Variants in TSSK2 observed in about 807,000 individuals in gnomAD.
TSSK2 encodes the protein testis specific serine kinase 2, also known as testis-specific serine/threonine-protein kinase 2.
TSSK2 carries 5 observed loss-of-function variants against 14.2 expected under a neutral mutation model. That is an observed-to-expected ratio of 0.35 (90% CI 0.18 to 0.74). The LOEUF (loss-of-function observed/expected upper bound fraction) is 0.74, where lower values mean the gene tolerates loss of function less well. TSSK2 is among the 30% of genes least tolerant of loss of function. The probability of loss-of-function intolerance (pLI) is 0.56; values close to 1 mark genes in which losing one functional copy is unlikely to be tolerated. For synonymous variants in TSSK2, 209 were observed against 201.9 expected, an observed-to-expected ratio of 1.04 and a Z score of -0.30; for missense variants, 439 against 491.1, an observed-to-expected ratio of 0.89 and a Z score of 1.00.
rs576440860 is a variant in TSSK2, at chr22:19,131,633, C to A, written c.234C>A (p.Ile78=). The part of the protein sequence containing the change: ...NHGSIIKTYE[I]FETSDGRIYI... ...GCTCCATCATCAAGACTTACGAGAT[C>A]TTTGAGACCTCTGACGGACGGATCT... Residue 78 remains isoleucine (I), a synonymous_variant, in exon 1 of 1, where the codon ATC becomes ATA. Coordinates refer to ENST00000399635, the MANE Select transcript of TSSK2 (RefSeq NM_053006.5). This position sits in a 1 kb window ranked among gnomAD's most constrained non-coding sequence, Gnocchi z 5.7. The A allele has an allele frequency of 2.5e-5, 41 of 1,614,140 alleles. No homozygotes were observed. The East Asian group carries it at 7.8e-4, about 31-fold the overall frequency.
rs2083521207 is a variant in TSSK2, at chr22:19,132,551, AAGT to A, written c.*78_*80del. 2 of 1,429,252 alleles carry A rather than the reference AAGT, an allele frequency of 1.4e-6. No homozygotes were observed. Among genetic ancestry groups the A allele is most frequent in the Admixed American group, 4.2e-5 (2 of 47,540 alleles). The allele number at this position is 1,429,252 out of a possible 1,614,324, so 88.5% of individuals were successfully genotyped here. On this transcript the variant is annotated 3_prime_UTR_variant, in exon 1 of 1. Coordinates refer to ENST00000399635, the MANE Select transcript of TSSK2 (RefSeq NM_053006.5). This position sits in a 1 kb window ranked among gnomAD's most constrained non-coding sequence, Gnocchi z 4.2. ...GGTGCAGTCGGCCTTCACGTAAACT[AAGT>A]AGGCAGGTAGGATCTGAAGAAGGCA...
In TSSK2 at chr22:19,131,596, C is replaced by T; in HGVS notation, c.197C>T (p.Thr66Ile). ...FLPREMDILA[T>I]VNHGSIIKTY... ...CCTCGGGAGATGGACATCCTGGCAA[C>T]TGTCAACCACGGCTCCATCATCAAG... Residue 66 changes from threonine (T) to isoleucine (I), a missense_variant, in exon 1 of 1, where the codon ACT (threonine) becomes ATT (isoleucine). Transcript: ENST00000399635. The surrounding 1 kb of genome is among the most constrained non-coding windows in gnomAD (Gnocchi z 5.7). 6.2e-7 allele frequency: 1 copy of T among 1,614,168 alleles called. No individual in the cohort carries two copies. Among genetic ancestry groups the T allele is most frequent in the East Asian group, 2.2e-5 (1 of 44,878 alleles).
rs2083508613 is a variant in TSSK2, at chr22:19,131,659, ACAT to A, written c.267_269del (p.Ile89del). On this transcript the variant is annotated inframe_deletion, in exon 1 of 1. Coordinates refer to ENST00000399635, the MANE Select transcript of TSSK2 (RefSeq NM_053006.5). This position sits in a 1 kb window ranked among gnomAD's most constrained non-coding sequence, Gnocchi z 5.7. ...TTTGAGACCTCTGACGGACGGATCT[ACAT>A]CATCATGGAGCTTGGCGTCCAGGGC... 4.3e-6 allele frequency: 7 copies of A among 1,614,020 alleles called. No individual in the cohort carries two copies. The highest frequency in any genetic ancestry group is 5.1e-6 in the Non-Finnish European group (6 of 1,180,012).
rs777499145 is a variant in TSSK2 at position 19,131,739 on chromosome 22, CG to C, written c.341del (p.Arg114ProfsTer91). On this transcript the variant is annotated frameshift_variant, in exon 1 of 1. Transcript: ENST00000399635. LOFTEE classifies it high-confidence loss of function. The surrounding 1 kb of genome is among the most constrained non-coding windows in gnomAD (Gnocchi z 5.7). The part of the protein sequence containing the change: ...CQGALHEDVA[R>X]KMFRQLSSAV... ...GGGAGCCCTGCATGAGGACGTGGCACGCAAGATGTTCCGACAGCTCTCCTCC... is the reference window on the plus strand; with the variant it reads ...GGGAGCCCTGCATGAGGACGTGGCACCAAGATGTTCCGACAGCTCTCCTCC... 6.2e-7 allele frequency: 1 copy of C among 1,614,092 alleles called. No individual in the cohort carries two copies. Among genetic ancestry groups the C allele is most frequent in the Non-Finnish European group, 8.5e-7 (1 of 1,179,974 alleles).
At position 19,131,508 on chromosome 22, in the gene TSSK2, A is replaced by G. The variant is rs200807955; in HGVS notation, c.109A>G (p.Asn37Asp). ...KSAYSERLKF[N>D]VAVKIIDRKK... ...TGCCTACTCTGAGCGCCTCAAGTTC[A>G]ATGTGGCTGTCAAGATCATCGACCG... is the stretch of plus-strand genomic sequence containing the variant. The change falls in exon 1 of 1, where the codon AAT becomes GAT. Residue 37 changes from asparagine (N) to aspartate (D), a missense_variant. Physicochemically the swap from Asn to Asp is conservative, Grantham distance 23. Transcript: ENST00000399635. This position sits in a 1 kb window ranked among gnomAD's most constrained non-coding sequence, Gnocchi z 5.7. The G allele has an allele frequency of 1.4e-4, 226 of 1,614,068 alleles. No homozygotes were observed. Among genetic ancestry groups the G allele is most frequent in the Admixed American group, 2.2e-4 (13 of 60,008 alleles).
In TSSK2 at chr22:19,131,648, C is replaced by T. The variant is rs75077908; in HGVS notation, c.249C>T (p.Asp83=). The T allele has an allele frequency of 1.1e-3, 1,701 of 1,614,088 alleles. 17 individuals carry two copies. In the Admixed American group the frequency reaches 0.021, roughly 20 times the overall value. ...CTTACGAGATCTTTGAGACCTCTGA[C>T]GGACGGATCTACATCATCATGGAGC... ...IKTYEIFETS[D]GRIYIIMELG... is the part of the protein sequence containing the mutation. The change falls in exon 1 of 1, where the codon GAC becomes GAT. Residue 83 remains aspartate, a synonymous_variant. Coordinates refer to ENST00000399635, the MANE Select transcript of TSSK2 (RefSeq NM_053006.5). This position sits in a 1 kb window ranked among gnomAD's most constrained non-coding sequence, Gnocchi z 5.7.
At position 19,132,456 on chromosome 22, in the gene TSSK2, G is replaced by A. The variant is rs1406581859; in HGVS notation, c.1057G>A (p.Val353Met). 3.7e-6 allele frequency: 6 copies of A among 1,610,618 alleles called. No homozygotes were observed. In the African/African-American group the frequency reaches 5.3e-5, roughly 14 times the overall value. Residue 353 changes from valine to methionine, a missense_variant, in exon 1 of 1, where the codon GTG becomes ATG. Transcript: ENST00000399635. The surrounding 1 kb of genome is among the most constrained non-coding windows in gnomAD (Gnocchi z 4.2). ...AGACCATCACATCTCCGGAGCTGAG[G>A]TGGGGAAAGCAAGCACCTAGCATGA... ...AKDHHISGAE[V>M]GKAST
rs773798571 is a variant in TSSK2, at chr22:19,132,464, A to G, written c.1065A>G (p.Lys355=). 3 of 1,609,420 alleles carry G rather than the reference A, an allele frequency of 1.9e-6. No individual in the cohort carries two copies. Among genetic ancestry groups the G allele is most frequent in the Non-Finnish European group, 1.7e-6 (2 of 1,177,742 alleles). Residue 355 remains lysine, a synonymous_variant, in exon 1 of 1, where the codon AAA becomes AAG. Transcript: ENST00000399635. This position sits in a 1 kb window ranked among gnomAD's most constrained non-coding sequence, Gnocchi z 4.2. The part of the protein sequence containing the change: ...DHHISGAEVG[K]AST The stretch of plus-strand genomic sequence containing the variant: ...ACATCTCCGGAGCTGAGGTGGGGAA[A>G]GCAAGCACCTAGCATGACAATGGCC...
Position 19,132,314 on chromosome 22 carries a change from G to C in TSSK2, c.915G>C (p.Leu305Phe). 6.2e-7 allele frequency: 1 copy of C among 1,613,042 alleles called. No homozygotes were observed. The change falls in exon 1 of 1, where the codon TTG becomes TTC. Residue 305 changes from leucine to phenylalanine, a missense_variant. By Grantham distance (22) the Leu-to-Phe change is conservative. Transcript: ENST00000399635. This position sits in a 1 kb window ranked among gnomAD's most constrained non-coding sequence, Gnocchi z 4.2. ...GCAAACTGGACACCAAGACAGGCTT[G>C]AGGCCCGACCACCGGCCCGACCACA... is the stretch of plus-strand genomic sequence containing the variant. ...AECKLDTKTG[L>F]RPDHRPDHKL...
Position 19,132,543 on chromosome 22 carries a change from C to A in TSSK2, c.*67C>A, listed in dbSNP as rs1339369543. The A allele has an allele frequency of 1.4e-6, 2 of 1,472,512 alleles. No individual in the cohort carries two copies. 91.2% of individuals were successfully genotyped at this position (1,472,512 alleles called of 1,614,324 possible). On this transcript the variant is annotated 3_prime_UTR_variant, in exon 1 of 1. Coordinates refer to ENST00000399635, the MANE Select transcript of TSSK2 (RefSeq NM_053006.5). The surrounding 1 kb of genome is among the most constrained non-coding windows in gnomAD (Gnocchi z 4.2). ...GGGGGCATGGTGCAGTCGGCCTTCA[C>A]GTAAACTAAGTAGGCAGGTAGGATC...
rs2083515074 is a variant in TSSK2 at position 19,132,147 on chromosome 22, T to C, written c.748T>C (p.Tyr250His). ...NLTCECKDLIYRMLQPDVSQR... is the reference protein window; with the variant it reads ...NLTCECKDLIHRMLQPDVSQR... ...GACCTGCGAGTGCAAGGACCTCATCTACCGCATGCTGCAGCCCGACGTCAG... is the reference window on the plus strand; with the variant it reads ...GACCTGCGAGTGCAAGGACCTCATCCACCGCATGCTGCAGCCCGACGTCAG... The change falls in exon 1 of 1, where the codon TAC becomes CAC. Residue 250 changes from tyrosine (Y) to histidine (H), a missense_variant. Tyr to His is a moderately conservative substitution (Grantham distance 83). Transcript: ENST00000399635. This position sits in a 1 kb window ranked among gnomAD's most constrained non-coding sequence, Gnocchi z 4.2. 6.2e-7 allele frequency: 1 copy of C among 1,613,240 alleles called. No individual in the cohort carries two copies. Among genetic ancestry groups the C allele is most frequent in the African/African-American group, 1.3e-5 (1 of 74,914 alleles).
rs1475306045 is a variant in TSSK2, at chr22:19,132,059, C to G, written c.660C>G (p.Asp220Glu). The G allele has an allele frequency of 1.2e-6, 2 of 1,613,940 alleles. No homozygotes were observed. The highest frequency in any genetic ancestry group is 1.7e-6 in the Non-Finnish European group (2 of 1,179,964). Residue 220 changes from aspartate (D) to glutamate (E), a missense_variant, in exon 1 of 1, where the codon GAC becomes GAG. By Grantham distance (45) the Asp-to-Glu change is conservative (BLOSUM62 2). Transcript: ENST00000399635. The surrounding 1 kb of genome is among the most constrained non-coding windows in gnomAD (Gnocchi z 4.2). ...VCGSMPYDDS[D>E]IRKMLRIQKE... is the part of the protein sequence containing the mutation. ...GCTCCATGCCCTATGACGACTCCGA[C>G]ATCAGGAAGATGCTGCGTATCCAGA...
chr22:19,132,276 TACCGCGCTGAGTGCAAACTGGACACCAAG>T lies in TSSK2; in HGVS notation c.880_908del (p.Ala295LeufsTer48). The T allele has an allele frequency of 6.2e-7, 1 of 1,613,394 alleles. No homozygotes were observed. Among genetic ancestry groups the T allele is most frequent in the Non-Finnish European group, 8.5e-7 (1 of 1,179,934 alleles). Reference sequence around the variant, plus strand: ...CTTCAAGAGGGAGGGGGAGGGCAAGTACCGCGCTGAGTGCAAACTGGACACCAAGACAGGCTTGAGGCCCGACCACCGGC... The same window carrying T: ...CTTCAAGAGGGAGGGGGAGGGCAAGTACAGGCTTGAGGCCCGACCACCGGC... On this transcript the variant is annotated frameshift_variant, in exon 1 of 1. Transcript: ENST00000399635. LOFTEE classifies it high-confidence loss of function. This position sits in a 1 kb window ranked among gnomAD's most constrained non-coding sequence, Gnocchi z 4.2.
In TSSK2 at chr22:19,131,394, G is replaced by A. The variant is rs1482621050; in HGVS notation, c.-6G>A. 2 of 1,588,488 alleles carry A rather than the reference G, an allele frequency of 1.3e-6. No individual in the cohort carries two copies. Among genetic ancestry groups the A allele is most frequent in the Non-Finnish European group, 1.7e-6 (2 of 1,165,880 alleles). ...GACGGCAGCGGCGCCAGTCGCTCCT[G>A]GCACCATGGACGATGCCACAGTCCT... On this transcript the variant is annotated 5_prime_UTR_variant, in exon 1 of 1. Coordinates refer to ENST00000399635, the MANE Select transcript of TSSK2 (RefSeq NM_053006.5). The surrounding 1 kb of genome is among the most constrained non-coding windows in gnomAD (Gnocchi z 5.7).
Position 19,131,807 on chromosome 22 carries a change from C to T in TSSK2, c.408C>T (p.Asp136=). Residue 136 remains aspartate (D), a synonymous_variant, in exon 1 of 1, where the codon GAC becomes GAT. Transcript: ENST00000399635. The surrounding 1 kb of genome is among the most constrained non-coding windows in gnomAD (Gnocchi z 5.7). ...ACGACCTGGACATCGTCCACCGGGA[C>T]CTCAAGTGCGAGAACCTTCTCCTCG... The part of the protein sequence containing the change: ...YCHDLDIVHR[D]LKCENLLLDK... 1.2e-6 allele frequency: 2 copies of T among 1,614,194 alleles called. No homozygotes were observed. Among genetic ancestry groups the T allele is most frequent in the Non-Finnish European group, 1.7e-6 (2 of 1,180,036 alleles).
Position 19,131,837 on chromosome 22 carries a change from G to C in TSSK2, c.438G>C (p.Lys146Asn). 6.2e-7 allele frequency: 1 copy of C among 1,614,146 alleles called. No homozygotes were observed. The highest frequency in any genetic ancestry group is 8.5e-7 in the Non-Finnish European group (1 of 1,180,034). ...AGTGCGAGAACCTTCTCCTCGACAA[G>C]GACTTCAACATCAAGCTGTCTGACT... ...DLKCENLLLD[K>N]DFNIKLSDFG... The change falls in exon 1 of 1, where the codon AAG (lysine) becomes AAC (asparagine). Residue 146 changes from lysine (K) to asparagine (N), a missense_variant. Lys to Asn is a moderately conservative substitution (Grantham distance 94). Transcript: ENST00000399635. This position sits in a 1 kb window ranked among gnomAD's most constrained non-coding sequence, Gnocchi z 5.7.
rs972305651 is a variant in TSSK2 at position 19,131,952 on chromosome 22, G to A, written c.553G>A (p.Glu185Lys). The change falls in exon 1 of 1, where the codon GAG becomes AAG. Residue 185 changes from glutamate to lysine, a missense_variant. By Grantham distance (56) the Glu-to-Lys change is moderately conservative. Transcript: ENST00000399635. This position sits in a 1 kb window ranked among gnomAD's most constrained non-coding sequence, Gnocchi z 5.7. ...FCGSAAYAAP[E>K]VLQSIPYQPK... ...CGGGTCGGCAGCATATGCAGCCCCC[G>A]AGGTGCTGCAGAGCATCCCCTACCA... The A allele has an allele frequency of 3.3e-5, 53 of 1,614,002 alleles. No individual in the cohort carries two copies. Among genetic ancestry groups the A allele is most frequent in the Non-Finnish European group, 3.8e-5 (45 of 1,180,024 alleles).
In TSSK2 at chr22:19,131,969, C is replaced by A; in HGVS notation, c.570C>A (p.Ile190=). Residue 190 remains isoleucine, a synonymous_variant, in exon 1 of 1, where the codon ATC becomes ATA. Coordinates refer to ENST00000399635, the MANE Select transcript of TSSK2 (RefSeq NM_053006.5). The surrounding 1 kb of genome is among the most constrained non-coding windows in gnomAD (Gnocchi z 5.7). Reference sequence around the variant, plus strand: ...CAGCCCCCGAGGTGCTGCAGAGCATCCCCTACCAGCCCAAGGTGTATGACA... The same window carrying A: ...CAGCCCCCGAGGTGCTGCAGAGCATACCCTACCAGCCCAAGGTGTATGACA... The part of the protein sequence containing the change: ...AYAAPEVLQS[I]PYQPKVYDIW... The A allele has an allele frequency of 1.2e-6, 2 of 1,614,204 alleles. No individual in the cohort carries two copies. The highest frequency in any genetic ancestry group is 1.7e-6 in the Non-Finnish European group (2 of 1,180,040).
Position 19,132,578 on chromosome 22 carries a change from C to T in TSSK2, c.*102C>T, listed in dbSNP as rs2083521603. On this transcript the variant is annotated 3_prime_UTR_variant, in exon 1 of 1. Transcript: ENST00000399635. The surrounding 1 kb of genome is among the most constrained non-coding windows in gnomAD (Gnocchi z 4.2). ...GTAGGCAGGTAGGATCTGAAGAAGG[C>T]ACAGGTGCAAGTAAAATTCGTCAAT... 8.4e-7 allele frequency: 1 copy of T among 1,197,020 alleles called. No individual in the cohort carries two copies. Among genetic ancestry groups the T allele is most frequent in the Admixed American group, 2.3e-5 (1 of 43,210 alleles). 74.1% of individuals were successfully genotyped at this position (1,197,020 alleles called of 1,614,324 possible).
Sources: allele counts gnomAD v4.1 joint callset, GRCh38; gene constraint gnomAD v4.1.1; non-coding constraint Gnocchi (gnomAD v3.1); transcripts MANE v1.5; gene names NCBI Gene and HGNC (gene_info 2026-07-23, HGNC 2026-07-21).